The following KCTD8 variants were observed in gnomAD, a reference collection of about 807,000 sequenced individuals.
KCTD8 encodes the protein potassium channel tetramerization domain containing 8.
KCTD8 carries 27 observed loss-of-function variants against 31.5 expected under a neutral mutation model. That is an observed-to-expected ratio of 0.86 (90% CI 0.63 to 1.18). The LOEUF (loss-of-function observed/expected upper bound fraction) is 1.18. Ranked by LOEUF, KCTD8 falls within the 50% of genes most tolerant of loss-of-function variation. The probability of loss-of-function intolerance (pLI) is 0.00; values close to 1 mark genes in which losing one functional copy is unlikely to be tolerated. For missense variants in KCTD8, 658 were observed against 647.7 expected (o/e 1.02, Z -0.17); for synonymous variants, 290 against 280.0 (o/e 1.04, Z -0.36).
At chr4:44,410,812 C>T (rs1244138732) in intron 1 of KCTD8, among the ~76,000 whole-genome samples, 1 of 152,144 alleles carries the variant, frequency 6.6e-6, no homozygotes, top group Non-Finnish European at 1.5e-5. Flanking sequence ...GACCTCTCAC[C>T]ATGTCAGTCC....
intron 1 of KCTD8, among the ~76,000 whole-genome samples, chr4:44,328,359 T>C (rs1718500912): frequency 6.6e-6 from 1 of 151,904 alleles, no homozygotes; most frequent in Non-Finnish European, 1.5e-5. Context: ...TAACACCTAC[T>C]AAATGTTTCT....
intron 1 of KCTD8, among the ~76,000 whole-genome samples, chr4:44,180,342 A>C (rs1047185384): frequency 6.6e-6 from 1 of 152,016 alleles, no homozygotes; most frequent in Non-Finnish European, 1.5e-5. Flanking sequence ...GTAAAAAAAA[A>C]GAGTTAATTA....
At position 44,174,440 on chromosome 4, in the gene KCTD8, T is replaced by C. The variant is rs1713136080; in HGVS notation, c.*350A>G. The C allele has an allele frequency of 5.5e-6, 1 of 182,856 alleles. No homozygotes were observed. The highest frequency in any genetic ancestry group is 1.1e-5 in the Non-Finnish European group (1 of 88,492). 11.3% of individuals were successfully genotyped at this position (182,856 alleles called of 1,614,324 possible). On this transcript the variant is annotated 3_prime_UTR_variant, in exon 2 of 2. Transcript: ENST00000360029. ...TATCATTTTAGTTGGTATGATATGA[T>C]GGTTTGTTTTTGGTAAGTTACAAAA...
In KCTD8 at chr4:44,277,244, CA is replaced by C. The variant is rs199679164; in HGVS notation, c.962-101995del. On this transcript the variant is annotated intron_variant, in intron 1 of 1. Coordinates refer to ENST00000360029, the MANE Select transcript of KCTD8 (RefSeq NM_198353.3). ...ATTATAGTAAAAATCCCAAATAAGACAAAACAAATAAAAAGAAAAATACCTT... is the reference window on the plus strand; with the variant it reads ...ATTATAGTAAAAATCCCAAATAAGACAAACAAATAAAAAGAAAAATACCTT... Among the ~76,000 whole-genome samples, 7 of 151,624 alleles carry C rather than the reference CA, an allele frequency of 4.6e-5. No individual in the cohort carries two copies. The East Asian group carries it at 1.4e-3, about 29-fold the overall frequency.
intron 1 of KCTD8, among the ~76,000 whole-genome samples, chr4:44,230,252 T>C (rs989469670): frequency 6.6e-6 from 1 of 152,186 alleles, no homozygotes; most frequent in Non-Finnish European, 1.5e-5. Context: ...ATTTAAGATA[T>C]GGAAGGTAAA....
intron 1 of KCTD8, among the ~76,000 whole-genome samples, chr4:44,225,684 G>A (rs953084089): frequency 4.6e-5 from 7 of 151,814 alleles, no homozygotes; most frequent in Non-Finnish European, 1.0e-4. Context: ...TTTTTGTATA[G>A]GAAATATATA....
chr4:44,341,155 T>C (rs1718886813), intron 1 of KCTD8, among the ~76,000 whole-genome samples: 1 of 152,208 alleles, frequency 6.6e-6, no homozygotes, highest in Admixed American at 6.5e-5. Context: ...TTATTAAATA[T>C]GCAATAGCAC....
At position 44,181,250 on chromosome 4, in the gene KCTD8, ACGGTCTCCCTCTCCCTCTCTTTCCACCG is replaced by A. The variant is rs1252657475; in HGVS notation, c.962-6028_962-6001del. ...ACGGTCTCCCTCTCCCTCTCTTTCC[ACGGTCTCCCTCTCCCTCTCTTTCCACCG>A]TCTCCCTCTGATGCCGAGCCGAGGC... On this transcript the variant is annotated intron_variant, in intron 1 of 1. Coordinates refer to ENST00000360029, the MANE Select transcript of KCTD8 (RefSeq NM_198353.3). Among the ~76,000 whole-genome samples the A allele has an allele frequency of 4.4e-3, 575 of 131,712 alleles. 6 individuals carry two copies. Among genetic ancestry groups the A allele is most frequent in the African/African-American group, 0.019 (545 of 28,396 alleles). The allele number at this position is 131,712 out of a possible 152,430, so 86.4% of individuals were successfully genotyped here. A position where few individuals can be genotyped will look rare whatever the true frequency, so the allele number is the denominator to read the frequency against.
chr4:44,378,246 T>C (rs1719968150), intron 1 of KCTD8, among the ~76,000 whole-genome samples: 1 of 147,432 alleles, frequency 6.8e-6, no homozygotes, highest in African/African-American at 2.5e-5. Flanking sequence ...TAAATATATA[T>C]ATATATATAT....
intron 1 of KCTD8, among the ~76,000 whole-genome samples, chr4:44,421,970 T>C (rs1721223145): frequency 6.6e-6 from 1 of 152,172 alleles, no homozygotes; most frequent in African/African-American, 2.4e-5. Flanking sequence ...GATCTGTGCA[T>C]GGGCATTAAT....
chr4:44,304,485 C>T (rs527419049), intron 1 of KCTD8, among the ~76,000 whole-genome samples: 9 of 152,256 alleles, frequency 5.9e-5, no homozygotes, highest in Non-Finnish European at 1.3e-4. Flanking sequence ...TGAATGTCTT[C>T]AGCCTCTTAT....
intron 1 of KCTD8, among the ~76,000 whole-genome samples, chr4:44,444,033 G>T (rs539810874): frequency 5.4e-4 from 82 of 152,204 alleles, no homozygotes; most frequent in African/African-American, 2.0e-3. Flanking sequence ...AGTATATGTT[G>T]CAGTGTACTA....
intron 1 of KCTD8, among the ~76,000 whole-genome samples, chr4:44,239,733 C>T (rs1327301448): frequency 6.6e-6 from 1 of 152,138 alleles, no homozygotes; most frequent in African/African-American, 2.4e-5. Flanking sequence ...AATAGAGATT[C>T]ATCATTCCTC....
chr4:44,293,412 A>T (rs1183122999), intron 1 of KCTD8: 15 of 454,996 alleles, frequency 3.3e-5, no homozygotes, highest in Non-Finnish European at 6.6e-5. Context: ...ACCTGCTGCC[A>T]AGCATCTGGC....
chr4:44,228,976 T>G (rs1715043174), intron 1 of KCTD8, among the ~76,000 whole-genome samples: 1 of 152,232 alleles, frequency 6.6e-6, no homozygotes, highest in Non-Finnish European at 1.5e-5. Context: ...TTATTTCATT[T>G]TCACCAGACT....
intron 1 of KCTD8, among the ~76,000 whole-genome samples, chr4:44,304,433 CA>C (rs1300118633): frequency 6.6e-6 from 1 of 152,158 alleles, no homozygotes; most frequent in Non-Finnish European, 1.5e-5. Flanking sequence ...TGGATCAAAA[CA>C]TTTTTTTGTT....
At chr4:44,227,441 T>C (rs1714998969) in intron 1 of KCTD8, among the ~76,000 whole-genome samples, 7 of 152,076 alleles carry the variant, frequency 4.6e-5, no homozygotes, top group Admixed American at 4.6e-4. Context: ...TTTAGACATA[T>C]CAGGGTAGTA....
chr4:44,407,747 T>C (rs1243402456), intron 1 of KCTD8, among the ~76,000 whole-genome samples: 2 of 152,180 alleles, frequency 1.3e-5, no homozygotes, highest in African/African-American at 4.8e-5. Context: ...GTTCAAGTCC[T>C]TAAATAATCT....
chr4:44,185,103 A>C (rs979099653), intron 1 of KCTD8, among the ~76,000 whole-genome samples: 12 of 152,252 alleles, frequency 7.9e-5, no homozygotes, highest in Non-Finnish European at 1.3e-4. Flanking sequence ...GTTTCCAAAA[A>C]TAATTTTATT....
Sources: allele counts gnomAD v4.1 joint callset (sites outside exome capture counted in the v4.1 genomes callset), GRCh38; gene constraint gnomAD v4.1.1; transcripts MANE v1.5; gene names NCBI Gene and HGNC (gene_info 2026-07-23, HGNC 2026-07-21).